The following RANBP2 variants were observed in gnomAD, a reference collection of about 807,000 sequenced individuals.
RANBP2 encodes E3 SUMO-protein ligase RanBP2.
In RANBP2, 57 loss-of-function variants were observed where a neutral mutation model predicts 303.6. The ratio of observed to expected loss-of-function variants is 0.19; its 90% CI spans 0.15 to 0.23. RANBP2 has a LOEUF of 0.23. RANBP2 is among the 10% of genes least tolerant of loss of function. The pLI is 1.00. For missense variants in RANBP2, 3,138 were observed against 3,780.8 expected, an observed-to-expected ratio of 0.83 and a Z score of 4.46; for synonymous variants, 1,167 against 1,301.5, an observed-to-expected ratio of 0.90 and a Z score of 2.23.
the RANBP2 span, among the ~76,000 whole-genome samples, chr2:109,507,185 C>T: frequency 6.6e-6 from 1 of 152,166 alleles, no homozygotes; most frequent in South Asian, 2.1e-4. Context: ...CAGCCCCTGC[C>T]CACTGCCACG....
chr2:109,646,209 C>G, the RANBP2 span, among the ~76,000 whole-genome samples: 1 of 152,108 alleles, frequency 6.6e-6, no homozygotes, highest in Admixed American at 6.6e-5. Flanking sequence ...CTACTTCACC[C>G]AGAAAGTGGC....
At chr2:109,292,979 A>T in the RANBP2 span, among the ~76,000 whole-genome samples, 1 of 152,142 alleles carries the variant, frequency 6.6e-6, no homozygotes, top group Non-Finnish European at 1.5e-5. Flanking sequence ...TGATCCACCC[A>T]TCTCAGCCTC....
the RANBP2 span, among the ~76,000 whole-genome samples, chr2:109,192,256 T>G: frequency 6.6e-6 from 1 of 152,220 alleles, no homozygotes; most frequent in Non-Finnish European, 1.5e-5. Context: ...TCCCTGGCAC[T>G]GCAGCTCATG....
the RANBP2 span, among the ~76,000 whole-genome samples, chr2:109,238,339 C>T: frequency 7.4e-3 from 1,125 of 152,242 alleles, 9 homozygotes; most frequent in South Asian, 0.024. Context: ...AATCTATGCA[C>T]AGAGACAAGG....
At chr2:109,637,541 G>A in the RANBP2 span, among the ~76,000 whole-genome samples, 1 of 152,148 alleles carries the variant, frequency 6.6e-6, no homozygotes, top group Non-Finnish European at 1.5e-5. Flanking sequence ...GCGGCTTTCT[G>A]CAGTGCATTG....
At chr2:108,739,464 A>AT (rs980044936) in intron 6 of RANBP2, among the ~76,000 whole-genome samples, 4 of 151,502 alleles carry the variant, frequency 2.6e-5, no homozygotes, top group East Asian at 3.9e-4. Flanking sequence ...TAAAATATAA[A>AT]TTTTTTTTTG....
chr2:108,779,644 A>G (rs1678107034), intron 25 of RANBP2, among the ~76,000 whole-genome samples: 1 of 152,178 alleles, frequency 6.6e-6, no homozygotes, highest in African/African-American at 2.4e-5. Context: ...GCAAGTGATA[A>G]AAAGTTGAGA....
the RANBP2 span, among the ~76,000 whole-genome samples, chr2:109,592,390 G>A: frequency 4.6e-5 from 7 of 152,148 alleles, no homozygotes; most frequent in South Asian, 2.1e-4. Context: ...GCTTGAACCC[G>A]GGAGGCAGAG....
chr2:109,614,158 A>C, the RANBP2 span: 1 of 1,190,252 alleles, frequency 8.4e-7, no homozygotes, highest in Non-Finnish European at 1.0e-6. Flanking sequence ...CGAGGAATGC[A>C]GGCGGGAACT....
the RANBP2 span, among the ~76,000 whole-genome samples, chr2:109,384,445 C>T: frequency 6.6e-6 from 1 of 151,884 alleles, no homozygotes; most frequent in East Asian, 1.9e-4. Flanking sequence ...CAGGGGTGGC[C>T]TGAGCTGGCC....
the RANBP2 span, among the ~76,000 whole-genome samples, chr2:109,236,268 G>C: frequency 0.015 from 2,318 of 152,176 alleles, 59 homozygotes; most frequent in African/African-American, 0.053. Flanking sequence ...AATTCCCCTC[G>C]GTCCTAAAGT....
chr2:108,894,628 A>ATATC, the RANBP2 span: 2 of 152,632 alleles, frequency 1.3e-5, no homozygotes, highest in Non-Finnish European at 2.9e-5. Flanking sequence ...AGAATTATGA[A>ATATC]TATCTCCACA....
At chr2:109,725,080 C>CT in the RANBP2 span, among the ~76,000 whole-genome samples, 3 of 152,168 alleles carry the variant, frequency 2.0e-5, no homozygotes, top group African/African-American at 7.2e-5. Flanking sequence ...GAGTGGCCAC[C>CT]GTGTGCCAGG....
chr2:109,165,134 G>C, the RANBP2 span, among the ~76,000 whole-genome samples: 2 of 152,110 alleles, frequency 1.3e-5, no homozygotes, highest in African/African-American at 4.8e-5. Flanking sequence ...CTTTAGTAAG[G>C]ACAAATGAAC....
At chr2:109,330,726 TAAATG>T in the RANBP2 span, among the ~76,000 whole-genome samples, 3 of 151,964 alleles carry the variant, frequency 2.0e-5, no homozygotes, top group African/African-American at 7.3e-5. Context: ...AATAAACAAA[TAAATG>T]GAGAGATGGG....
chr2:109,006,757 C>G, the RANBP2 span, among the ~76,000 whole-genome samples: 17 of 152,222 alleles, frequency 1.1e-4, no homozygotes, highest in Non-Finnish European at 1.8e-4. Context: ...AAGGTATTTT[C>G]TAGCGCATCC....
At chr2:108,972,809 T>A in the RANBP2 span, among the ~76,000 whole-genome samples, 2 of 152,318 alleles carry the variant, frequency 1.3e-5, no homozygotes, top group East Asian at 3.9e-4. Flanking sequence ...GGCAGGGGCG[T>A]TCACTCTTCC....
At chr2:109,368,488 C>A in the RANBP2 span, among the ~76,000 whole-genome samples, 1 of 151,878 alleles carries the variant, frequency 6.6e-6, no homozygotes, top group Admixed American at 6.6e-5. Context: ...CTGATTATTG[C>A]TGGTATATGA....
At chr2:108,827,643 C>T in the RANBP2 span, among the ~76,000 whole-genome samples, 3 of 151,750 alleles carry the variant, frequency 2.0e-5, no homozygotes, top group African/African-American at 7.3e-5. Context: ...AGTGAAACCC[C>T]GTCTCTACTA....
Sources: gnomAD v4.1 joint callset for allele counts (sites outside exome capture counted in the v4.1 genomes callset) on GRCh38, gnomAD v4.1.1 for gene constraint, MANE v1.5 for transcripts, NCBI Gene and HGNC (gene_info 2026-07-23, HGNC 2026-07-21) for gene names.